STAR: variants seen among roughly 807,000 people sequenced by gnomAD.
The protein encoded by STAR is steroidogenic acute regulatory protein.
STAR carries 32 observed loss-of-function variants against 32.3 expected under a neutral mutation model. The ratio of observed to expected loss-of-function variants is 0.99; its 90% CI spans 0.75 to 1.33. STAR has a LOEUF of 1.33. STAR is among the 40% of genes most tolerant of loss of function. The pLI is 0.00. For missense variants in STAR, 375 were observed against 379.0 expected, an observed-to-expected ratio of 0.99 and a Z score of 0.09; for synonymous variants, 134 against 140.5, an observed-to-expected ratio of 0.95 and a Z score of 0.33.
rs372145670 is a variant in STAR at position 38,145,265 on chromosome 8, G to A, written c.701C>T (p.Pro234Leu). 1.2e-6 allele frequency: 2 copies of A among 1,614,006 alleles called. No individual in the cohort carries two copies. Among genetic ancestry groups the A allele is most frequent in the African/African-American group, 2.7e-5 (2 of 74,914 alleles). ...CMVLHPLAGS[P>L]SKTKLTWLLS... ...TAGCCACGTAAGTTTGGTCTTAGAGGGACTTCCAGCCAACGGGTGAAGCAC... is the reference window on the plus strand; with the variant it reads ...TAGCCACGTAAGTTTGGTCTTAGAGAGACTTCCAGCCAACGGGTGAAGCAC... The change falls in exon 6 of 7, where the codon CCC becomes CTC. Residue 234 changes from proline (P) to leucine (L), a missense_variant. By Grantham distance (98) the Pro-to-Leu change is moderately conservative (BLOSUM62 -3). Transcript: ENST00000276449.
rs769506220 is a variant in STAR at position 38,148,195 on chromosome 8, C to T, written c.306+5G>A. The stretch of plus-strand genomic sequence containing the variant: ...AGGAACCACAGGCTTCTCCCCGACA[C>T]TTACCTGCTGACTCTCCTTCTTCCA... On this transcript the variant is annotated splice_donor_5th_base_variant and intron_variant, in intron 3 of 6. Coordinates refer to ENST00000276449, the MANE Select transcript of STAR (RefSeq NM_000349.3). 6 of 1,613,918 alleles carry T rather than the reference C, an allele frequency of 3.7e-6. No homozygotes were observed. The highest frequency in any genetic ancestry group is 2.2e-5 in the East Asian group (1 of 44,886).
At chr8:38,144,676 CCTT>C in intron 6 of STAR, 1 of 1,225,318 alleles carries the variant, frequency 8.2e-7, no homozygotes, top group South Asian at 1.6e-5. Context: ...ACCTAAGTTT[CCTT>C]CTTTCTAAAA....
chr8:38,145,741 T>TA lies in STAR; in HGVS notation c.650+221dup. Reference sequence around the variant, plus strand: ...TGCTTCAGAAAATTATTAAGGTTCTTAAACTTTCTGGGAGGGTCATGACAA... The same window carrying TA: ...TGCTTCAGAAAATTATTAAGGTTCTTAAAACTTTCTGGGAGGGTCATGACAA... On this transcript the variant is annotated intron_variant, in intron 5 of 6. Coordinates refer to ENST00000276449, the MANE Select transcript of STAR (RefSeq NM_000349.3). 5 of 631,104 alleles carry TA rather than the reference T, an allele frequency of 7.9e-6. No individual in the cohort carries two copies. In the South Asian group the frequency reaches 9.8e-5, roughly 12 times the overall value. 39.1% of individuals were successfully genotyped at this position (631,104 alleles called of 1,614,324 possible).
Position 38,148,693 on chromosome 8 carries a change from G to GC in STAR, c.125dup (p.Thr44HisfsTer3), listed in dbSNP as rs750549499. On this transcript the variant is annotated frameshift_variant, in exon 2 of 7. Transcript: ENST00000276449. LOFTEE classifies it high-confidence loss of function. ...GGTTAATCCACGTGCTAGGGGTGGGGCCCCCCAGGGCCCTCCGGTTCAGCT... is the reference window on the plus strand; with the variant it reads ...GGTTAATCCACGTGCTAGGGGTGGGGCCCCCCCAGGGCCCTCCGGTTCAGCT... 4 of 1,614,066 alleles carry GC rather than the reference G, an allele frequency of 2.5e-6. No homozygotes were observed. Among genetic ancestry groups the GC allele is most frequent in the East Asian group, 4.5e-5 (2 of 44,888 alleles).
intron 2 of STAR, 66 bp downstream of exon 2, chr8:38,148,575 C>G: frequency 6.7e-7 from 1 of 1,492,620 alleles, no homozygotes; most frequent in Non-Finnish European, 9.3e-7. Flanking sequence ...AAGCCACATG[C>G]ACCACATCAC....
In STAR at chr8:38,148,341, C is replaced by A; in HGVS notation, c.179-14G>T. 1 of 1,613,862 alleles carries A rather than the reference C, an allele frequency of 6.2e-7. No homozygotes were observed. The highest frequency in any genetic ancestry group is 8.5e-7 in the Non-Finnish European group (1 of 1,179,976). On this transcript the variant is annotated splice_polypyrimidine_tract_variant and intron_variant, in intron 2 of 6. Transcript: ENST00000276449. ...CCAGCCGAGAACCTGGATACACAGCCGAGGAGAGACAGAGCTTCCTTCTTC... is the reference window on the plus strand; with the variant it reads ...CCAGCCGAGAACCTGGATACACAGCAGAGGAGAGACAGAGCTTCCTTCTTC...
At chr8:38,146,544 A>G (rs1802577894) in intron 3 of STAR, 97 bp from the exon 4 acceptor site, 1 of 1,381,476 alleles carries the variant, frequency 7.2e-7, no homozygotes, top group South Asian at 1.2e-5. Flanking sequence ...TTGGGAGGCC[A>G]AGGTGGGTGG....
At position 38,145,301 on chromosome 8, in the gene STAR, G is replaced by C; in HGVS notation, c.665C>G (p.Pro222Arg). 1 of 1,614,154 alleles carries C rather than the reference G, an allele frequency of 6.2e-7. No individual in the cohort carries two copies. Among genetic ancestry groups the C allele is most frequent in the Non-Finnish European group, 8.5e-7 (1 of 1,180,034 alleles). The change falls in exon 6 of 7, where the codon CCC becomes CGC. Residue 222 changes from proline to arginine, a missense_variant. By Grantham distance (103) the Pro-to-Arg change is moderately radical (BLOSUM62 -2). Transcript: ENST00000276449. The stretch of plus-strand genomic sequence containing the variant: ...CAACGGGTGAAGCACCATGCAAGTG[G>C]GACCGTGCTCCGCCCTGGCAAATGG... ...QKGVIRAEHG[P>R]TCMVLHPLAG...
In STAR at chr8:38,145,981, T is replaced by C. The variant is rs1268230793; in HGVS notation, c.632A>G (p.Glu211Gly). The C allele has an allele frequency of 1.2e-6, 2 of 1,613,992 alleles. No individual in the cohort carries two copies. The highest frequency in any genetic ancestry group is 1.7e-4 in the Middle Eastern group (1 of 6,000). ...GMATDFGNMP[E>G]QKGVIRAEHG... ...GTATTACCTGATGACACCCTTCTGC[T>C]CAGGCATGTTCCCGAAGTCTGTGGC... The change falls in exon 5 of 7, where the codon GAG becomes GGG. Residue 211 changes from glutamate to glycine, a missense_variant. By Grantham distance (98) the Glu-to-Gly change is moderately conservative. Transcript: ENST00000276449.
At chr8:38,145,578 G>A in intron 5 of STAR, 2 of 580,052 alleles carry the variant, frequency 3.4e-6, no homozygotes, top group Admixed American at 5.8e-5. Context: ...TCAGGGAAAG[G>A]ATTCAGGCTG....
intron 4 of STAR, 69 bp from the exon 5 acceptor site, chr8:38,146,216 G>A: frequency 6.2e-7 from 1 of 1,613,408 alleles, no homozygotes. Flanking sequence ...CACAGCTAGG[G>A]GTCCTCTCTT....
In STAR at chr8:38,150,869, G is replaced by A. The variant is rs1193087825; in HGVS notation, c.-51C>T. 1.9e-6 allele frequency: 3 copies of A among 1,600,578 alleles called. No homozygotes were observed. The highest frequency in any genetic ancestry group is 1.7e-4 in the Middle Eastern group (1 of 6,038). Reference sequence around the variant, plus strand: ...TGGGGTCGCTGCCGCTGCTGCTGCCGCCGCTGCTGCTGCCTCTTCTCTCAA... The same window carrying A: ...TGGGGTCGCTGCCGCTGCTGCTGCCACCGCTGCTGCTGCCTCTTCTCTCAA... On this transcript the variant is annotated 5_prime_UTR_variant, in exon 1 of 7. Coordinates refer to ENST00000276449, the MANE Select transcript of STAR (RefSeq NM_000349.3).
chr8:38,148,120 T>C, intron 3 of STAR, 80 bp downstream of exon 3: 5 of 1,599,216 alleles, frequency 3.1e-6, no homozygotes, highest in Non-Finnish European at 1.7e-6. Context: ...ACAGGAATTC[T>C]GGGAAAAATA....
Position 38,150,767 on chromosome 8 carries a change from G to T in STAR, c.52C>A (p.Arg18Ser), listed in dbSNP as rs759275266. Residue 18 changes from arginine to serine, a missense_variant, in exon 1 of 7, where the codon CGC becomes AGC. Physicochemically the swap from Arg to Ser is moderately radical, Grantham distance 110 (BLOSUM62 -1). Transcript: ENST00000276449. ...CCGCAGCGCTCACCCTTCATGTTGC[G>T]CATGTGTCTGTAGGAGCTCCCAGCG... is the stretch of plus-strand genomic sequence containing the variant. The part of the protein sequence containing the change: ...LCAGSSYRHM[R>S]NMKGLRQQAV... 3.7e-6 allele frequency: 6 copies of T among 1,607,220 alleles called. No homozygotes were observed. Among genetic ancestry groups the T allele is most frequent in the South Asian group, 1.1e-5 (1 of 91,080 alleles).
intron 5 of STAR, 39 bp downstream of exon 5, chr8:38,145,924 G>A: frequency 6.2e-7 from 1 of 1,611,966 alleles, no homozygotes; most frequent in Non-Finnish European, 8.5e-7. Context: ...GCAGGCCTGT[G>A]TTAGAAGAGG....
Position 38,150,873 on chromosome 8 carries a change from C to G in STAR, c.-55G>C. 1 of 1,600,728 alleles carries G rather than the reference C, an allele frequency of 6.2e-7. No individual in the cohort carries two copies. The highest frequency in any genetic ancestry group is 8.5e-7 in the Non-Finnish European group (1 of 1,179,928). On this transcript the variant is annotated 5_prime_UTR_variant, in exon 1 of 7. Transcript: ENST00000276449. ...GTCGCTGCCGCTGCTGCTGCCGCCG[C>G]TGCTGCTGCCTCTTCTCTCAAGGGT... is the stretch of plus-strand genomic sequence containing the variant.
chr8:38,146,420 C>T lies in STAR; in HGVS notation c.334G>A (p.Val112Met), dbSNP rs776609155. Reference protein sequence around the residue: ...QDNGDKVMSKVVPDVGKVFRL... With the variant: ...QDNGDKVMSKMVPDVGKVFRL... ...AACACCTTGCCCACATCTGGGACCACTTTACTCATCACTTTGTCCCCATTG... is the reference window on the plus strand; with the variant it reads ...AACACCTTGCCCACATCTGGGACCATTTTACTCATCACTTTGTCCCCATTG... The change falls in exon 4 of 7, where the codon GTG becomes ATG. Residue 112 changes from valine (V) to methionine (M), a missense_variant. Val to Met is a conservative substitution (Grantham distance 21). Transcript: ENST00000276449. The T allele has an allele frequency of 1.2e-6, 2 of 1,614,134 alleles. No homozygotes were observed. Among genetic ancestry groups the T allele is most frequent in the Admixed American group, 3.3e-5 (2 of 60,018 alleles).
At chr8:38,150,624 G>T (rs1470671575) in intron 1 of STAR, 131 bp downstream of exon 1, 6 of 1,415,946 alleles carry the variant, frequency 4.2e-6, no homozygotes, top group African/African-American at 4.2e-5. Context: ...GGAAAACTGA[G>T]ATTCAAGAAG....
rs1232372779 is a variant in STAR at position 38,146,295 on chromosome 8, C to T, written c.459G>A (p.Glu153=). The stretch of plus-strand genomic sequence containing the variant: ...GCACCTGGACTTTGCTCACCTTGAT[C>T]TCCTTGACATTGGGGTTCCACTCCC... ...AMGEWNPNVK[E]IKVLQKIGKD... The change falls in exon 4 of 7, where the codon GAG becomes GAA. Residue 153 remains glutamate, a synonymous_variant. Coordinates refer to ENST00000276449, the MANE Select transcript of STAR (RefSeq NM_000349.3). 1 of 1,614,026 alleles carries T rather than the reference C, an allele frequency of 6.2e-7. No individual in the cohort carries two copies. Among genetic ancestry groups the T allele is most frequent in the Non-Finnish European group, 8.5e-7 (1 of 1,180,044 alleles).
Sources: gnomAD v4.1 joint callset for allele counts on GRCh38, gnomAD v4.1.1 for gene constraint, MANE v1.5 for transcripts, NCBI Gene and HGNC (gene_info 2026-07-23, HGNC 2026-07-21) for gene names.